The following NCALD variants were observed in gnomAD, a reference collection of about 807,000 sequenced individuals.
NCALD encodes neurocalcin-delta.
NCALD carries 10 observed loss-of-function variants against 18.6 expected under a neutral mutation model. That is an observed-to-expected ratio of 0.54 (90% confidence interval 0.33 to 0.91). NCALD has a LOEUF of 0.91. Among genes scored for constraint, NCALD ranks in the 40% least tolerant of loss-of-function variants. The probability of loss-of-function intolerance (pLI) is 0.03; values close to 1 mark genes in which losing one functional copy is unlikely to be tolerated. For synonymous variants in NCALD, 88 were observed against 87.4 expected (o/e 1.01, Z -0.04); for missense variants, 184 against 247.6 (o/e 0.74, Z 1.72).
chr8:101,835,911 G>A (rs1292308558), intron 4 of NCALD, among the ~76,000 whole-genome samples: 2 of 152,060 alleles, frequency 1.3e-5, no homozygotes, highest in Non-Finnish European at 2.9e-5. Context: ...GAATTGTGTA[G>A]GGCCTTGTTA....
At chr8:102,079,893 A>G (rs1290583217) in intron 1 of NCALD, among the ~76,000 whole-genome samples, 1 of 152,236 alleles carries the variant, frequency 6.6e-6, no homozygotes, top group East Asian at 1.9e-4. Context: ...AGAAATTAAG[A>G]CACAAGGATA....
intron 3 of NCALD, among the ~76,000 whole-genome samples, chr8:101,891,878 G>C (rs181949514): frequency 1.3e-5 from 2 of 152,154 alleles, no homozygotes; most frequent in Non-Finnish European, 2.9e-5. Context: ...ACGGAATCTC[G>C]CTGATTCCTA....
chr8:101,859,421 C>A (rs1042004789), intron 4 of NCALD, among the ~76,000 whole-genome samples: 2 of 152,144 alleles, frequency 1.3e-5, no homozygotes, highest in African/African-American at 4.8e-5. Context: ...TGAGTCAATT[C>A]TCCTAATAAA....
chr8:102,011,628 A>G (rs978458622), intron 2 of NCALD, among the ~76,000 whole-genome samples: 1 of 152,238 alleles, frequency 6.6e-6, no homozygotes, highest in African/African-American at 2.4e-5. Context: ...TTATGTGTAA[A>G]TAAACACATA....
At chr8:102,101,733 A>T (rs954217107) in intron 1 of NCALD, among the ~76,000 whole-genome samples, 10 of 152,206 alleles carry the variant, frequency 6.6e-5, no homozygotes, top group African/African-American at 2.4e-4. Context: ...TTAGTCTCAG[A>T]CTAGAAATGA....
chr8:101,972,300 C>G (rs554628321), intron 2 of NCALD, among the ~76,000 whole-genome samples: 1 of 152,174 alleles, frequency 6.6e-6, no homozygotes, highest in Non-Finnish European at 1.5e-5. Flanking sequence ...GGACTCTGGA[C>G]GGGCCACTCA....
chr8:102,007,158 G>C (rs1319888903), intron 2 of NCALD, among the ~76,000 whole-genome samples: 1 of 152,168 alleles, frequency 6.6e-6, no homozygotes, highest in African/African-American at 2.4e-5. Flanking sequence ...AAAAAGGGCA[G>C]TAGTGGAAAA....
chr8:101,994,569 C>A (rs1285384860), intron 2 of NCALD, among the ~76,000 whole-genome samples: 1 of 152,222 alleles, frequency 6.6e-6, no homozygotes, highest in Non-Finnish European at 1.5e-5. Flanking sequence ...TGGTTAAAGA[C>A]ACAGACATGA....
chr8:101,834,620 C>T (rs1228150065), intron 4 of NCALD, among the ~76,000 whole-genome samples: 1 of 152,228 alleles, frequency 6.6e-6, no homozygotes, highest in Non-Finnish European at 1.5e-5. Flanking sequence ...GGGATCTGTA[C>T]TGCCAGGTAG....
intron 1 of NCALD, among the ~76,000 whole-genome samples, chr8:102,118,060 T>C (rs1490966679): frequency 6.6e-6 from 1 of 152,230 alleles, no homozygotes; most frequent in Non-Finnish European, 1.5e-5. Flanking sequence ...CTACTTTGTG[T>C]TGGCTACTAT....
chr8:102,103,758 C>T (rs529699871), intron 1 of NCALD, among the ~76,000 whole-genome samples: 8 of 151,868 alleles, frequency 5.3e-5, no homozygotes, highest in Admixed American at 2.0e-4. Context: ...AAACAGCATG[C>T]GAAGAAATAA....
Position 101,690,210 on chromosome 8 carries a change from G to GGGGTA in NCALD, c.485-809_485-805dup, listed in dbSNP as rs1814660932. On this transcript the variant is annotated intron_variant, in intron 3 of 3. Coordinates refer to ENST00000220931, the MANE Select transcript of NCALD (RefSeq NM_032041.3). ...ACTTGTGGAGAGGAGGGGAGGGGGTGGGGTAGGAGTTGGGGGACTGCAAGG... is the reference window on the plus strand; with the variant it reads ...ACTTGTGGAGAGGAGGGGAGGGGGTGGGGTAGGGTAGGAGTTGGGGGACTGCAAGG... The GGGGTA allele has an allele frequency of 4.1e-6, 4 of 977,400 alleles. No homozygotes were observed. The South Asian group carries it at 1.9e-4, about 46-fold the overall frequency. 60.5% of individuals were successfully genotyped at this position (977,400 alleles called of 1,614,324 possible).
chr8:101,785,731 A>T (rs1812198848), intron 1 of NCALD: 1 of 152,178 alleles, frequency 6.6e-6, no homozygotes, highest in Admixed American at 6.6e-5. Flanking sequence ...CATTATTTGT[A>T]TGAAACAGGG....
In NCALD at chr8:102,031,647, G is replaced by A. The variant is rs542805672; in HGVS notation, c.-209-11358C>T. On this transcript the variant is annotated intron_variant, in intron 1 of 6. Transcript: ENST00000311028. Reference sequence around the variant, plus strand: ...TATCTCCATCAGGCTCCTTGAAAACGTGAAAAATCTGATCGTTTTCAGAAG... The same window carrying A: ...TATCTCCATCAGGCTCCTTGAAAACATGAAAAATCTGATCGTTTTCAGAAG... 1.7e-4 allele frequency among the ~76,000 whole-genome samples: 26 copies of A among 152,250 alleles called. 1 individual carries two copies. The South Asian group carries it at 3.3e-3, about 19-fold the overall frequency.
At chr8:101,915,997 A>C (rs1278073312) in intron 2 of NCALD, 1 of 152,202 alleles carries the variant, frequency 6.6e-6, no homozygotes, top group East Asian at 1.9e-4. Context: ...CTACTTGTTA[A>C]TAATATGTTT....
At chr8:101,846,175 T>G (rs1318053264) in intron 4 of NCALD, among the ~76,000 whole-genome samples, 1 of 152,214 alleles carries the variant, frequency 6.6e-6, no homozygotes, top group African/African-American at 2.4e-5. Flanking sequence ...ATTTCCTTTC[T>G]TTTGGATCAG....
At chr8:101,994,946 G>A (rs746201098) in intron 2 of NCALD, among the ~76,000 whole-genome samples, 47 of 152,308 alleles carry the variant, frequency 3.1e-4, no homozygotes, top group Non-Finnish European at 5.6e-4. Flanking sequence ...CAGCTACTTT[G>A]TAGGATTGCT....
At chr8:101,932,833 G>A (rs545782561) in intron 2 of NCALD, among the ~76,000 whole-genome samples, 2 of 152,252 alleles carry the variant, frequency 1.3e-5, no homozygotes, top group East Asian at 3.9e-4. Context: ...AAGTTAGTTA[G>A]CTAGAGAATA....
At chr8:101,715,003 C>CAAAAAAAAAAAAAAAAAAAAAAAAA (rs1297532566) in intron 2 of NCALD, among the ~76,000 whole-genome samples, 1 of 103,234 alleles carries the variant, frequency 9.7e-6, no homozygotes, top group Non-Finnish European at 1.9e-5. Context: ...GACTCCGTCT[C>CAAAAAAAAAAAAAAAAAAAAAAAAA]AAAAAAAAAA....
Sources: allele counts gnomAD v4.1 joint callset (sites outside exome capture counted in the v4.1 genomes callset), GRCh38; gene constraint gnomAD v4.1.1; transcripts MANE v1.5; gene names NCBI Gene and HGNC (gene_info 2026-07-23, HGNC 2026-07-21).